CHCHD3: variants seen among roughly 807,000 people sequenced by gnomAD.
The protein encoded by CHCHD3 is MICOS complex subunit MIC19.
In CHCHD3, 20 loss-of-function variants were observed where a neutral mutation model predicts 38.2. The ratio of observed to expected loss-of-function variants is 0.52; its 90% CI spans 0.37 to 0.76. The LOEUF (loss-of-function observed/expected upper bound fraction) is 0.76, where lower values mean the gene tolerates loss of function less well. Among genes scored for constraint, CHCHD3 ranks in the 30% least tolerant of loss-of-function variants. CHCHD3 has a pLI of 0.00. For missense variants in CHCHD3, 245 were observed against 279.2 expected, an observed-to-expected ratio of 0.88 and a Z score of 0.87; for synonymous variants, 82 against 100.0, an observed-to-expected ratio of 0.82 and a Z score of 1.07.
chr7:132,805,485 T>C (rs1806894678), intron 6 of CHCHD3, among the ~76,000 whole-genome samples: 1 of 151,410 alleles, frequency 6.6e-6, no homozygotes, highest in Non-Finnish European at 1.5e-5. Context: ...GGGACTCAGG[T>C]TGTAGTAGAG....
intron 4 of CHCHD3, chr7:132,886,868 G>T: frequency 1.5e-6 from 1 of 653,126 alleles, no homozygotes; most frequent in South Asian, 7.9e-5. Context: ...TTTGCTAAAT[G>T]ATCAAGTATT....
At chr7:133,055,615 A>G (rs1183054865) in intron 2 of CHCHD3, among the ~76,000 whole-genome samples, 1 of 148,036 alleles carries the variant, frequency 6.8e-6, no homozygotes, top group East Asian at 1.9e-4. Context: ...ATAATTAATT[A>G]TAACATGTGT....
At chr7:132,932,751 A>C (rs1810545300) in intron 4 of CHCHD3, among the ~76,000 whole-genome samples, 1 of 152,224 alleles carries the variant, frequency 6.6e-6, no homozygotes, top group Admixed American at 6.5e-5. Flanking sequence ...AAAATTGAGG[A>C]GACCTCCTTT....
In CHCHD3 at chr7:132,862,498, T is replaced by C. The variant is rs545785294; in HGVS notation, c.453+23164A>G. On this transcript the variant is annotated intron_variant, in intron 5 of 7. Transcript: ENST00000262570. The stretch of plus-strand genomic sequence containing the variant: ...TATCACTAAAAAATGCTAACAATCA[T>C]CTGAGCCTTCAGCAAGTCACACTGG... Among the ~76,000 whole-genome samples the C allele has an allele frequency of 2.6e-5, 4 of 152,322 alleles. No homozygotes were observed. In the South Asian group the frequency reaches 8.3e-4, roughly 32 times the overall value.
At chr7:133,054,861 C>CAT (rs1303001163) in intron 2 of CHCHD3, among the ~76,000 whole-genome samples, 2 of 152,154 alleles carry the variant, frequency 1.3e-5, no homozygotes, top group Non-Finnish European at 2.9e-5. Context: ...ATCACAGGCC[C>CAT]ATCCATTCAT....
At chr7:132,997,574 G>C (rs1812452086) in intron 3 of CHCHD3, among the ~76,000 whole-genome samples, 1 of 133,160 alleles carries the variant, frequency 7.5e-6, no homozygotes, top group African/African-American at 2.8e-5. Context: ...TTTTAAGAAA[G>C]AACAATTTTA....
intron 2 of CHCHD3, among the ~76,000 whole-genome samples, chr7:133,039,563 A>G (rs1228644625): frequency 6.6e-6 from 1 of 152,362 alleles, no homozygotes; most frequent in South Asian, 2.1e-4. Context: ...TCAGCTCTAT[A>G]TGGAAAAGAA....
chr7:132,800,862 A>AT (rs140340566), intron 6 of CHCHD3, among the ~76,000 whole-genome samples: 1,596 of 149,920 alleles, frequency 0.011, 28 homozygotes, highest in African/African-American at 0.036. Context: ...GGAGAATTCT[A>AT]TTTTTTTTTT....
At chr7:133,029,800 A>G (rs930951649) in intron 2 of CHCHD3, among the ~76,000 whole-genome samples, 2 of 152,118 alleles carry the variant, frequency 1.3e-5, no homozygotes, top group African/African-American at 4.8e-5. Context: ...GGTGAGAAAG[A>G]GATACAGATT....
chr7:132,893,373 T>C (rs1182605236), intron 4 of CHCHD3, among the ~76,000 whole-genome samples: 1 of 152,214 alleles, frequency 6.6e-6, no homozygotes. Flanking sequence ...CCAATGCCAG[T>C]ACCCCCACTT....
rs766123351 is a variant in CHCHD3 at position 132,975,150 on chromosome 7, C to T, written c.369+19G>A. 1.9e-6 allele frequency: 3 copies of T among 1,596,238 alleles called. No individual in the cohort carries two copies. Among genetic ancestry groups the T allele is most frequent in the Non-Finnish European group, 2.6e-6 (3 of 1,165,808 alleles). On this transcript the variant is annotated intron_variant, in intron 4 of 7. Coordinates refer to ENST00000262570, the MANE Select transcript of CHCHD3 (RefSeq NM_017812.4). ...TTCCTTGTAGGCAAGAAAATTTCTCCTACATTTTTAATACTCACCAGGTGC... is the reference window on the plus strand; with the variant it reads ...TTCCTTGTAGGCAAGAAAATTTCTCTTACATTTTTAATACTCACCAGGTGC...
chr7:132,978,390 C>T (rs1811827644), intron 3 of CHCHD3, among the ~76,000 whole-genome samples: 2 of 152,142 alleles, frequency 1.3e-5, no homozygotes, highest in Admixed American at 6.5e-5. Context: ...CTTTCACAAG[C>T]TGCTTCCTTT....
intron 4 of CHCHD3, among the ~76,000 whole-genome samples, chr7:132,923,807 C>T (rs999134734): frequency 6.6e-6 from 1 of 152,264 alleles, no homozygotes; most frequent in Non-Finnish European, 1.5e-5. Context: ...CTTATGTAAA[C>T]ACTTTGCTAT....
chr7:132,935,243 T>G (rs1413014664), intron 4 of CHCHD3, among the ~76,000 whole-genome samples: 1 of 152,122 alleles, frequency 6.6e-6, no homozygotes, highest in Admixed American at 6.6e-5. Context: ...TGAGCAAAAG[T>G]AAAACTAGTG....
chr7:132,821,888 C>G (rs994813598), intron 6 of CHCHD3, among the ~76,000 whole-genome samples: 49 of 151,768 alleles, frequency 3.2e-4, no homozygotes, highest in African/African-American at 1.2e-3. Context: ...TCAGCCTCCC[C>G]AGTAGCTGGG....
intron 5 of CHCHD3, among the ~76,000 whole-genome samples, chr7:132,884,910 G>A (rs1305972344): frequency 6.6e-6 from 1 of 152,138 alleles, no homozygotes; most frequent in Non-Finnish European, 1.5e-5. Flanking sequence ...TCCTGAAGGA[G>A]ACATTCATTT....
intron 2 of CHCHD3, among the ~76,000 whole-genome samples, chr7:133,039,602 C>T (rs1168658772): frequency 2.6e-5 from 4 of 152,172 alleles, no homozygotes; most frequent in Non-Finnish European, 2.9e-5. Flanking sequence ...CAACATTTTC[C>T]GCACTTGAAG....
Position 132,948,372 on chromosome 7 carries a change from G to C in CHCHD3, c.369+26797C>G, listed in dbSNP as rs139424572. The stretch of plus-strand genomic sequence containing the variant: ...TGATAGACAGAAAGAAAAGAAAGAG[G>C]GGAAGAAAATGGTGGAAGAGTGAGG... On this transcript the variant is annotated intron_variant, in intron 4 of 7. Transcript: ENST00000262570. Among the ~76,000 whole-genome samples, 141 of 152,166 alleles carry C rather than the reference G, an allele frequency of 9.3e-4. No homozygotes were observed. The East Asian group carries it at 0.026, about 28-fold the overall frequency.
intron 4 of CHCHD3, among the ~76,000 whole-genome samples, chr7:132,927,360 A>G (rs527482785): frequency 7.2e-5 from 11 of 152,346 alleles, no homozygotes; most frequent in African/African-American, 2.6e-4. Context: ...CTAACTTAAC[A>G]GCCGTCAACC....
Sources: gnomAD v4.1 joint callset for allele counts (sites outside exome capture counted in the v4.1 genomes callset) on GRCh38, gnomAD v4.1.1 for gene constraint, MANE v1.5 for transcripts, NCBI Gene and HGNC (gene_info 2026-07-23, HGNC 2026-07-21) for gene names.